Variants in DMD observed in about 807,000 individuals in gnomAD.
DMD encodes mutant dystrophin.
DMD carries 63 observed loss-of-function variants against 330.1 expected under a neutral mutation model. The ratio of observed to expected loss-of-function variants is 0.19; its 90% CI spans 0.16 to 0.24. The LOEUF (loss-of-function observed/expected upper bound fraction) is 0.24, where lower values mean the gene tolerates loss of function less well. Ranked by LOEUF, DMD falls within the 10% of genes least tolerant of loss-of-function variation. DMD has a pLI of 1.00. For synonymous variants in DMD, 1,223 were observed against 959.8 expected, an observed-to-expected ratio of 1.27 and a Z score of -5.07; for missense variants, 3,344 against 2,684.1, an observed-to-expected ratio of 1.25 and a Z score of -5.43.
chrX:31,571,254 G>GGTGTGTGTGT (rs371098859), intron 55 of DMD, among the ~76,000 whole-genome samples: 2,672 of 90,392 alleles, frequency 0.03, 47 homozygotes, highest in African/African-American at 0.041. Context: ...GATTTAAAGG[G>GGTGTGTGTGT]GTGTGTGTGT....
chrX:31,516,755 C>G lies in DMD; in HGVS notation c.8218-9302G>C, dbSNP rs144332831. 1.3e-4 allele frequency among the ~76,000 whole-genome samples: 14 copies of G among 111,939 alleles called. No individual in the cohort carries two copies. The East Asian group carries it at 3.9e-3, about 31-fold the overall frequency. On this transcript the variant is annotated intron_variant, in intron 55 of 78. Transcript: ENST00000357033. ...TTCATATCTCATTCGAAAATTCTCA[C>G]ACTTAAGCACTGCAACAGCAGAGAG...
chrX:32,550,167 A>T (rs1408943759), intron 16 of DMD, among the ~76,000 whole-genome samples: 2 of 111,246 alleles, frequency 1.8e-5, no homozygotes, highest in East Asian at 5.6e-4. Context: ...TGTAGGCACA[A>T]TGGTAAGTAT....
intron 64 of DMD, among the ~76,000 whole-genome samples, chrX:31,220,604 C>T (rs143051366): frequency 9.0e-5 from 10 of 111,539 alleles, no homozygotes; most frequent in Admixed American, 1.9e-4. Flanking sequence ...TCCCTTCTCA[C>T]GCTACACTTT....
chrX:31,439,193 G>A (rs912973114), intron 60 of DMD, among the ~76,000 whole-genome samples: 4 of 111,707 alleles, frequency 3.6e-5, no homozygotes, highest in African/African-American at 1.3e-4. Flanking sequence ...CACTGAGAAA[G>A]GATGAGAGGG....
chrX:32,937,132 A>T (rs1170359127), intron 2 of DMD, among the ~76,000 whole-genome samples: 2 of 110,604 alleles, frequency 1.8e-5, no homozygotes, highest in Non-Finnish European at 3.8e-5. Flanking sequence ...TCAAGAAGGG[A>T]TGACGGAGAG....
chrX:32,386,816 A>T (rs2097961515), intron 32 of DMD, among the ~76,000 whole-genome samples: 1 of 110,303 alleles, frequency 9.1e-6, no homozygotes, highest in Non-Finnish European at 1.9e-5. Context: ...TTGGAGTTAT[A>T]TAATTCTAGC....
intron 7 of DMD, among the ~76,000 whole-genome samples, chrX:32,710,969 T>C (rs945836365): frequency 1.1e-4 from 12 of 111,417 alleles, no homozygotes; most frequent in African/African-American, 3.3e-4. Flanking sequence ...TTATAAACAA[T>C]ATGATCACTA....
intron 2 of DMD, among the ~76,000 whole-genome samples, chrX:32,861,971 G>A (rs1462656242): frequency 1.8e-5 from 2 of 111,993 alleles, no homozygotes; most frequent in African/African-American, 6.5e-5. Context: ...TCTATCTCTG[G>A]TGATGTCATT....
chrX:31,141,605 G>C (rs2036057160), intron 76 of DMD, among the ~76,000 whole-genome samples: 1 of 111,419 alleles, frequency 9.0e-6, no homozygotes, highest in Non-Finnish European at 1.9e-5. Context: ...ACTGACCTTG[G>C]TGACTGGATT....
At chrX:32,962,520 C>A (rs1182827677) in intron 2 of DMD, among the ~76,000 whole-genome samples, 2 of 111,182 alleles carry the variant, frequency 1.8e-5, no homozygotes, top group Non-Finnish European at 3.8e-5. Context: ...TACACTATAC[C>A]AAGCATGAAG....
intron 1 of DMD, among the ~76,000 whole-genome samples, chrX:33,136,278 CAAAAAAAA>C (rs57297863): frequency 5.1e-5 from 1 of 19,716 alleles, no homozygotes; most frequent in African/African-American, 2.8e-4. Flanking sequence ...GACCCCGTCT[CAAAAAAAA>C]AAAAAAAAAA....
intron 62 of DMD, among the ~76,000 whole-genome samples, chrX:31,313,751 C>T (rs1449376406): frequency 9.1e-6 from 1 of 110,005 alleles, no homozygotes; most frequent in African/African-American, 3.3e-5. Context: ...ATTCTCCCCC[C>T]TCCCCTTTAT....
intron 1 of DMD, among the ~76,000 whole-genome samples, chrX:33,285,743 A>G (rs2053422331): frequency 1.8e-5 from 2 of 112,044 alleles, no homozygotes; most frequent in African/African-American, 6.5e-5. Context: ...TTCCTAAAAT[A>G]CTTTACCTGA....
chrX:33,312,205 C>A (rs1299460546), intron 1 of DMD, among the ~76,000 whole-genome samples: 1 of 110,693 alleles, frequency 9.0e-6, no homozygotes, highest in East Asian at 2.9e-4. Context: ...GTTTGAACTG[C>A]ATGGGTCCAC....
chrX:33,048,931 T>C (rs2094423930), intron 1 of DMD, among the ~76,000 whole-genome samples: 1 of 110,797 alleles, frequency 9.0e-6, no homozygotes, highest in Admixed American at 9.7e-5. Context: ...TATCTCAACT[T>C]GTGCTCTTTC....
intron 9 of DMD, among the ~76,000 whole-genome samples, chrX:32,674,315 C>T (rs1306539668): frequency 1.8e-5 from 2 of 111,608 alleles, no homozygotes; most frequent in East Asian, 5.7e-4. Flanking sequence ...GCTAATCACC[C>T]AGATATCCCA....
intron 13 of DMD, among the ~76,000 whole-genome samples, chrX:32,586,778 C>A (rs5972611): frequency 0.024 from 2,682 of 110,773 alleles, 83 homozygotes; most frequent in African/African-American, 0.082. Flanking sequence ...TTGCCACCTG[C>A]AAGCTATATG....
At chrX:31,636,993 G>GTATC (rs755228433) in intron 54 of DMD, among the ~76,000 whole-genome samples, 57 of 111,958 alleles carry the variant, frequency 5.1e-4, no homozygotes, top group Admixed American at 1.7e-3. Flanking sequence ...GATACAGAGA[G>GTATC]TATCTGAATG....
chrX:32,230,311 C>G (rs901955077), intron 43 of DMD, among the ~76,000 whole-genome samples: 5 of 112,292 alleles, frequency 4.5e-5, no homozygotes, highest in Non-Finnish European at 9.4e-5. Context: ...GCGGCGCGAT[C>G]TCGGCTCACT....
Sources: allele counts gnomAD v4.1 joint callset (sites outside exome capture counted in the v4.1 genomes callset), GRCh38; gene constraint gnomAD v4.1.1; transcripts MANE v1.5; gene names NCBI Gene and HGNC (gene_info 2026-07-23, HGNC 2026-07-21).